C6: variants seen among roughly 807,000 people sequenced by gnomAD.
C6 encodes complement component C6.
A neutral mutation model predicts 112.9 loss-of-function variants in C6; 101 were observed. The ratio of observed to expected loss-of-function variants is 0.89; its 90% CI spans 0.76 to 1.06. The LOEUF is 1.06. C6 is among the 50% of genes least tolerant of loss of function. The pLI, the probability that C6 is intolerant of heterozygous loss-of-function variation, is 0.00. For synonymous variants in C6, 431 were observed against 384.1 expected (o/e 1.12, Z -1.43); for missense variants, 1,202 against 1,104.6 (o/e 1.09, Z -1.25).
intron 1 of C6, among the ~76,000 whole-genome samples, chr5:41,242,454 T>G (rs1285886403): frequency 1.3e-5 from 2 of 152,194 alleles, no homozygotes; most frequent in Admixed American, 1.3e-4. Context: ...CTCTTTCCTT[T>G]ATAAATTACC....
chr5:41,205,791 G>C (rs1423458598), intron 1 of C6, among the ~76,000 whole-genome samples: 1 of 152,194 alleles, frequency 6.6e-6, no homozygotes, highest in East Asian at 1.9e-4. Context: ...CCACCTCTGG[G>C]GGCAGGCATA....
chr5:41,176,422 T>G, intron 8 of C6, 53 bp downstream of exon 8: 1 of 1,571,186 alleles, frequency 6.4e-7, no homozygotes, highest in Admixed American at 1.7e-5. Context: ...AAGAGAAAAA[T>G]GTATTGCATG....
intron 1 of C6, among the ~76,000 whole-genome samples, chr5:41,238,524 C>T (rs1025456012): frequency 2.6e-5 from 4 of 152,052 alleles, no homozygotes; most frequent in Non-Finnish European, 5.9e-5. Flanking sequence ...ACACCAGAAG[C>T]GAAAGTAATA....
intron 8 of C6, among the ~76,000 whole-genome samples, chr5:41,175,032 T>A (rs544161014): frequency 6.6e-6 from 1 of 152,190 alleles, no homozygotes; most frequent in African/African-American, 2.4e-5. Context: ...ATCGAATACA[T>A]CTTACTGAGA....
At chr5:41,205,596 C>T (rs1751373513) in intron 1 of C6, among the ~76,000 whole-genome samples, 1 of 152,170 alleles carries the variant, frequency 6.6e-6, no homozygotes, top group South Asian at 2.1e-4. Flanking sequence ...CTCGGAGAGT[C>T]CCACACCCGC....
intron 1 of C6, among the ~76,000 whole-genome samples, chr5:41,210,461 C>G (rs946599804): frequency 6.6e-6 from 1 of 152,214 alleles, no homozygotes; most frequent in Admixed American, 6.5e-5. Context: ...TTTTTGCAAT[C>G]TACCCATCCG....
intron 1 of C6, among the ~76,000 whole-genome samples, chr5:41,234,364 G>GTT (rs70988840): frequency 0.011 from 1,310 of 122,964 alleles, 24 homozygotes; most frequent in African/African-American, 0.035. Flanking sequence ...TTTGTTTTTT[G>GTT]TTTTTTTTTT....
chr5:41,194,675 G>A (rs555117868), intron 5 of C6, among the ~76,000 whole-genome samples: 8 of 152,212 alleles, frequency 5.3e-5, no homozygotes, highest in South Asian at 2.1e-4. Flanking sequence ...TTTAAGAGGG[G>A]TTTCTTTATT....
chr5:41,234,339 T>G (rs947285643), intron 1 of C6, among the ~76,000 whole-genome samples: 15 of 132,416 alleles, frequency 1.1e-4, no homozygotes, highest in East Asian at 2.0e-4. Flanking sequence ...TACCCTTTCG[T>G]TTTTTTTTTT....
At chr5:41,226,240 T>C (rs1435164513) in intron 1 of C6, among the ~76,000 whole-genome samples, 2 of 152,046 alleles carry the variant, frequency 1.3e-5, no homozygotes, top group Non-Finnish European at 2.9e-5. Context: ...TACAATGAAC[T>C]CAAACAAATT....
At chr5:41,254,514 A>C (rs1741562689) in intron 1 of C6, among the ~76,000 whole-genome samples, 1 of 152,226 alleles carries the variant, frequency 6.6e-6, no homozygotes, top group Non-Finnish European at 1.5e-5. Context: ...TCTTAGGTTT[A>C]ATTAAAATAT....
chr5:41,254,724 A>G (rs1261980036), intron 1 of C6, among the ~76,000 whole-genome samples: 1 of 152,252 alleles, frequency 6.6e-6, no homozygotes, highest in African/African-American at 2.4e-5. Context: ...GTGTTGGAAT[A>G]GACTTTAATC....
intron 6 of C6, 35 bp from the exon 7 acceptor site, chr5:41,181,594 T>C (rs1360363087): frequency 1.3e-6 from 2 of 1,529,938 alleles, no homozygotes; most frequent in African/African-American, 2.7e-5. Flanking sequence ...AAATATAATT[T>C]AGGAAATACT....
intron 6 of C6, among the ~76,000 whole-genome samples, chr5:41,185,196 G>A (rs981874473): frequency 1.3e-5 from 2 of 152,106 alleles, no homozygotes; most frequent in African/African-American, 2.4e-5. Flanking sequence ...AAATTTGACG[G>A]TTAGTTCCCA....
At chr5:41,248,577 C>G (rs1245466428) in intron 1 of C6, among the ~76,000 whole-genome samples, 1 of 152,160 alleles carries the variant, frequency 6.6e-6, no homozygotes, top group East Asian at 1.9e-4. Context: ...AAAAAACATT[C>G]CACATCACTA....
In C6 at chr5:41,160,331, A is replaced by G. The variant is rs1278978612; in HGVS notation, c.1495T>C (p.Cys499Arg). 6.2e-7 allele frequency: 1 copy of G among 1,613,794 alleles called. No individual in the cohort carries two copies. The highest frequency in any genetic ancestry group is 1.7e-5 in the Admixed American group (1 of 59,962). ...AGGTTGTTCCGTTTTGTCACTGCAC[A>G]GGGGATGTTTCTTACCAAGTCCACG... is the stretch of plus-strand genomic sequence containing the variant. ...PIVDLVRNIPCAVTKRNNLRK... is the reference protein window; with the variant it reads ...PIVDLVRNIPRAVTKRNNLRK... Residue 499 changes from cysteine (C) to arginine (R), a missense_variant, in exon 11 of 18, where the codon TGT becomes CGT. By Grantham distance (180) the Cys-to-Arg change is radical. Transcript: ENST00000337836.
intron 9 of C6, among the ~76,000 whole-genome samples, chr5:41,169,922 A>G (rs1345796900): frequency 6.6e-6 from 1 of 152,162 alleles, no homozygotes; most frequent in Admixed American, 6.6e-5. Flanking sequence ...AGCTTTGAAC[A>G]TCTGAATTAT....
At chr5:41,204,128 G>T (rs1489164559) in intron 1 of C6, among the ~76,000 whole-genome samples, 1 of 152,092 alleles carries the variant, frequency 6.6e-6, no homozygotes, top group Non-Finnish European at 1.5e-5. Context: ...ATTAATATAT[G>T]CATACATATC....
intron 4 of C6, among the ~76,000 whole-genome samples, chr5:41,197,058 C>T (rs1750674816): frequency 6.6e-6 from 1 of 152,130 alleles, no homozygotes; most frequent in Non-Finnish European, 1.5e-5. Flanking sequence ...TAGCATCTCA[C>T]TACAATTATG....
Sources: allele counts gnomAD v4.1 joint callset (sites outside exome capture counted in the v4.1 genomes callset), GRCh38; gene constraint gnomAD v4.1.1; transcripts MANE v1.5; gene names NCBI Gene and HGNC (gene_info 2026-07-23, HGNC 2026-07-21).